Variants in SC5D observed in about 807,000 individuals in gnomAD.
SC5D encodes the protein sterol-C5-desaturase.
SC5D carries 21 observed loss-of-function variants against 23.9 expected under a neutral mutation model. The observed-to-expected ratio is 0.88, with a 90% CI of 0.62 to 1.26. The LOEUF is 1.26. SC5D is among the 50% of genes most tolerant of loss of function. The probability of loss-of-function intolerance (pLI) is 0.00; values close to 1 mark genes in which losing one functional copy is unlikely to be tolerated. For synonymous variants in SC5D, 113 were observed against 125.9 expected, an observed-to-expected ratio of 0.90 and a Z score of 0.68; for missense variants, 309 against 364.8, an observed-to-expected ratio of 0.85 and a Z score of 1.25.
chr11:121,302,570 C>G (rs887550855), intron 1 of SC5D, among the ~76,000 whole-genome samples: 3 of 152,088 alleles, frequency 2.0e-5, no homozygotes, highest in African/African-American at 7.2e-5. Context: ...TAGTAAATGC[C>G]TTCGGTTCAA....
intron 1 of SC5D, 89 bp from the exon 2 acceptor site, chr11:121,303,277 C>A: frequency 6.2e-6 from 6 of 961,676 alleles, no homozygotes; most frequent in Non-Finnish European, 1.0e-5. Context: ...GTTCTTAAAT[C>A]AGGAACTTGA....
intron 1 of SC5D, chr11:121,293,079 G>C (rs1313547841): frequency 6.6e-6 from 1 of 152,344 alleles, no homozygotes; most frequent in Non-Finnish European, 1.5e-5. Context: ...AGGCTGGCAG[G>C]TAGCCTGGCA....
chr11:121,306,816 G>A, intron 4 of SC5D: 4 of 628,584 alleles, frequency 6.4e-6, no homozygotes, highest in Non-Finnish European at 5.7e-6. Flanking sequence ...CAGGTGCTAG[G>A]TACACTAAAA....
At chr11:121,304,694 T>C (rs1947951111) in intron 3 of SC5D, 1 of 533,526 alleles carries the variant, frequency 1.9e-6, no homozygotes, top group Admixed American at 3.1e-5. Flanking sequence ...GAAAGTCTGC[T>C]GTAGATGAGA....
At chr11:121,297,914 A>C (rs951186954) in intron 1 of SC5D, among the ~76,000 whole-genome samples, 3 of 152,334 alleles carry the variant, frequency 2.0e-5, no homozygotes, top group South Asian at 2.1e-4. Flanking sequence ...GACAAGAGTT[A>C]ATTGAAAATT....
Position 121,307,578 on chromosome 11 carries a change from TA to T in SC5D, c.*68del. ...ATATCATCGTATTTCTTTTTTTTAA[TA>T]AGGAAAAAATAATATCCATACAGTC... On this transcript the variant is annotated 3_prime_UTR_variant, in exon 5 of 5. Transcript: ENST00000264027. 3 of 1,143,268 alleles carry T rather than the reference TA, an allele frequency of 2.6e-6. No homozygotes were observed. The South Asian group carries it at 4.4e-5, about 17-fold the overall frequency. The allele number at this position is 1,143,268 out of a possible 1,614,324, so 70.8% of individuals were successfully genotyped here. A position where few individuals can be genotyped will look rare whatever the true frequency, so the allele number is the denominator to read the frequency against.
intron 1 of SC5D, among the ~76,000 whole-genome samples, chr11:121,294,244 A>T (rs568217997): frequency 6.6e-6 from 1 of 152,318 alleles, no homozygotes; most frequent in South Asian, 2.1e-4. Flanking sequence ...TGGGACCCCT[A>T]ACTTCAGGGC....
intron 2 of SC5D, 46 bp from the exon 3 acceptor site, chr11:121,304,315 T>A (rs999955412): frequency 4.4e-6 from 7 of 1,598,030 alleles, no homozygotes; most frequent in Non-Finnish European, 6.0e-6. Context: ...TAGTTTTGTT[T>A]AACATGGATT....
chr11:121,296,381 C>G (rs958854828), intron 1 of SC5D, among the ~76,000 whole-genome samples: 1 of 152,210 alleles, frequency 6.6e-6, no homozygotes, highest in African/African-American at 2.4e-5. Flanking sequence ...ACCCCATCAC[C>G]CTGTCTAACA....
At chr11:121,301,042 C>T (rs1160775694) in intron 1 of SC5D, among the ~76,000 whole-genome samples, 1 of 152,176 alleles carries the variant, frequency 6.6e-6, no homozygotes, top group Non-Finnish European at 1.5e-5. Flanking sequence ...TCAAGAGTTA[C>T]CCCATCATAT....
chr11:121,303,419 C>T lies in SC5D; in HGVS notation c.44C>T (p.Pro15Leu). The T allele has an allele frequency of 6.2e-7, 1 of 1,613,854 alleles. No homozygotes were observed. The highest frequency in any genetic ancestry group is 8.5e-7 in the Non-Finnish European group (1 of 1,179,934). Residue 15 changes from proline to leucine, a missense_variant, in exon 2 of 5, where the codon CCA becomes CTA. Transcript: ENST00000264027. ...LRVADYYFFT[P>L]YVYPATWPED... ...GTTGCAGATTACTATTTTTTTACAC[C>T]ATACGTGTATCCAGCCACATGGCCA...
In SC5D at chr11:121,293,828, T is replaced by C. The variant is rs1947869749; in HGVS notation, c.-11+1012T>C. Among the ~76,000 whole-genome samples the C allele has an allele frequency of 3.3e-5, 5 of 152,370 alleles. No individual in the cohort carries two copies. In the South Asian group the frequency reaches 1.0e-3, roughly 32 times the overall value. On this transcript the variant is annotated intron_variant, in intron 1 of 4. Coordinates refer to ENST00000264027, the MANE Select transcript of SC5D (RefSeq NM_006918.5). ...GGGGTGGTACTCAGAATCCCTCATC[T>C]GCATATAAAACATCTTGAGAGATAA...
intron 1 of SC5D, among the ~76,000 whole-genome samples, chr11:121,294,008 G>A (rs1947871754): frequency 2.6e-5 from 4 of 152,134 alleles, no homozygotes. Flanking sequence ...TCTCATAGAG[G>A]TATAGGGATT....
intron 1 of SC5D, among the ~76,000 whole-genome samples, chr11:121,293,859 C>T (rs1472262595): frequency 6.6e-6 from 1 of 152,114 alleles, no homozygotes; most frequent in Non-Finnish European, 1.5e-5. Flanking sequence ...GATAACATAA[C>T]GTGGTAGCAA....
intron 1 of SC5D, among the ~76,000 whole-genome samples, chr11:121,297,642 C>A (rs1017381239): frequency 3.3e-5 from 5 of 151,976 alleles, no homozygotes; most frequent in African/African-American, 1.2e-4. Context: ...AAAAACAGAT[C>A]GTGGACGTTT....
chr11:121,306,622 A>G (rs759514683), intron 4 of SC5D, 136 bp downstream of exon 4: 3 of 703,460 alleles, frequency 4.3e-6, no homozygotes, highest in Non-Finnish European at 7.8e-6. Context: ...TAACAGGTAC[A>G]GGGTGCATTT....
intron 1 of SC5D, among the ~76,000 whole-genome samples, chr11:121,294,883 T>C (rs1407136369): frequency 6.6e-6 from 1 of 152,218 alleles, no homozygotes; most frequent in Non-Finnish European, 1.5e-5. Context: ...TTTAGTGATA[T>C]AGCAATATCC....
intron 1 of SC5D, among the ~76,000 whole-genome samples, chr11:121,301,378 T>C (rs1439766165): frequency 6.6e-6 from 1 of 151,974 alleles, no homozygotes; most frequent in Non-Finnish European, 1.5e-5. Context: ...ACTGTCTTGC[T>C]TAACAGCAGA....
At chr11:121,305,193 TAG>T (rs1947955004) in intron 3 of SC5D, 2 of 149,734 alleles carry the variant, frequency 1.3e-5, no homozygotes, top group African/African-American at 5.0e-5. Context: ...TTCTAGGATC[TAG>T]TATGTAAAAA....
Sources: allele counts gnomAD v4.1 joint callset (sites outside exome capture counted in the v4.1 genomes callset), GRCh38; gene constraint gnomAD v4.1.1; transcripts MANE v1.5; gene names NCBI Gene and HGNC (gene_info 2026-07-23, HGNC 2026-07-21).